Variants in HHIP observed in about 807,000 individuals in gnomAD.
HHIP encodes the protein hedgehog interacting protein.
HHIP carries 12 observed loss-of-function variants against 74.0 expected under a neutral mutation model. The observed-to-expected ratio is 0.16, with a 90% confidence interval of 0.10 to 0.26. HHIP has a LOEUF of 0.26. Among genes scored for constraint, HHIP ranks in the 10% least tolerant of loss-of-function variants. The probability of loss-of-function intolerance (pLI) is 1.00; values close to 1 mark genes in which losing one functional copy is unlikely to be tolerated. For synonymous variants in HHIP, 309 were observed against 311.6 expected (o/e 0.99, Z 0.09); for missense variants, 788 against 845.0 (o/e 0.93, Z 0.84).
rs368648884 is a variant in HHIP at position 144,677,922 on chromosome 4, T to C, written c.831+18084T>C. Among the ~76,000 whole-genome samples, 40 of 152,192 alleles carry C rather than the reference T, an allele frequency of 2.6e-4. 3 individuals carry two copies. Among genetic ancestry groups the C allele is most frequent in the East Asian group, 1.2e-3 (6 of 5,172 alleles). On this transcript the variant is annotated intron_variant, in intron 4 of 12. Transcript: ENST00000296575. ...TATAAGACGTGTAGACCCAGAGAGG[T>C]ACCCACATTTGAGGTAGCAATGAAA...
intron 4 of HHIP, among the ~76,000 whole-genome samples, chr4:144,663,077 G>C (rs1377171895): frequency 1.3e-5 from 2 of 152,134 alleles, no homozygotes; most frequent in African/African-American, 4.8e-5. Context: ...CTTGAAGTCA[G>C]AAGTTCCAGA....
intron 1 of HHIP, among the ~76,000 whole-genome samples, chr4:144,647,988 TA>T (rs76968227): frequency 0.36 from 53,776 of 147,606 alleles, 10,671 homozygotes; most frequent in South Asian, 0.52. Context: ...CCAGGCATAA[TA>T]AAAAAAAAAA....
chr4:144,715,749 T>A (rs1730430143), intron 10 of HHIP: 2 of 168,192 alleles, frequency 1.2e-5, no homozygotes, highest in Admixed American at 6.0e-5. Context: ...TGATTATACA[T>A]CTGAGTAGTT....
chr4:144,684,217 CAA>C (rs1167254668), intron 4 of HHIP, among the ~76,000 whole-genome samples: 1 of 56,854 alleles, frequency 1.8e-5, no homozygotes, highest in African/African-American at 6.9e-5. Context: ...ATGAAAAATA[CAA>C]AAAAAAAAAA....
At chr4:144,682,446 C>T (rs1162536409) in intron 4 of HHIP, among the ~76,000 whole-genome samples, 1 of 152,168 alleles carries the variant, frequency 6.6e-6, no homozygotes, top group Non-Finnish European at 1.5e-5. Flanking sequence ...CACCAAATAT[C>T]AAAGTAAAAG....
chr4:144,741,136 G>A lies in HHIP; in HGVS notation c.*3179G>A, dbSNP rs1391155237. 1.7e-4 allele frequency: 3 copies of A among 18,092 alleles called. No homozygotes were observed. Among genetic ancestry groups the A allele is most frequent in the Non-Finnish European group, 1.9e-4 (1 of 5,310 alleles). The allele number at this position is 18,092 out of a possible 1,614,324, so 1.1% of individuals were successfully genotyped here. A position where few individuals can be genotyped will look rare whatever the true frequency, so the allele number is the denominator to read the frequency against. ...TTGGATTTTTTTCAATGTAATTATTGTAAAATATATTTTTTTATTTTATCA... is the reference window on the plus strand; with the variant it reads ...TTGGATTTTTTTCAATGTAATTATTATAAAATATATTTTTTTATTTTATCA... On this transcript the variant is annotated 3_prime_UTR_variant, in exon 13 of 13. Coordinates refer to ENST00000296575, the MANE Select transcript of HHIP (RefSeq NM_022475.3).
chr4:144,674,043 T>A (rs1423728532), intron 4 of HHIP, among the ~76,000 whole-genome samples: 2 of 152,236 alleles, frequency 1.3e-5, no homozygotes, highest in Non-Finnish European at 2.9e-5. Flanking sequence ...GGGCTCTGTG[T>A]TTCCTTGAGA....
At chr4:144,737,360 C>G (rs528006056) in intron 12 of HHIP, among the ~76,000 whole-genome samples, 1 of 152,190 alleles carries the variant, frequency 6.6e-6, no homozygotes, top group Non-Finnish European at 1.5e-5. Flanking sequence ...TGTGTCTCCC[C>G]CTCAGGCTGG....
chr4:144,687,379 A>G (rs934926498), intron 4 of HHIP, among the ~76,000 whole-genome samples: 1 of 152,180 alleles, frequency 6.6e-6, no homozygotes, highest in African/African-American at 2.4e-5. Context: ...TCCATCTTTA[A>G]TGCAGCCATT....
chr4:144,682,216 CAGG>C (rs1729366194), intron 4 of HHIP, among the ~76,000 whole-genome samples: 1 of 152,190 alleles, frequency 6.6e-6, no homozygotes, highest in African/African-American at 2.4e-5. Flanking sequence ...GAGGAGGAAG[CAGG>C]AGATTTGCAG....
At chr4:144,650,674 A>C (rs1362353109) in intron 1 of HHIP, 1 of 152,090 alleles carries the variant, frequency 6.6e-6, no homozygotes, top group African/African-American at 2.4e-5. Flanking sequence ...TACACTGCAG[A>C]CCTCACACAG....
chr4:144,725,114 T>C (rs1730759502), intron 11 of HHIP, among the ~76,000 whole-genome samples: 6 of 152,124 alleles, frequency 3.9e-5, no homozygotes, highest in Admixed American at 3.9e-4. Context: ...TTATAGTAAA[T>C]TAGTATATCA....
intron 4 of HHIP, among the ~76,000 whole-genome samples, chr4:144,679,348 G>C (rs1729270173): frequency 6.6e-6 from 1 of 152,138 alleles, no homozygotes; most frequent in South Asian, 2.1e-4. Flanking sequence ...TCTGATGATA[G>C]TTTCTTTTGC....
At chr4:144,714,465 T>C (rs1396259170) in intron 9 of HHIP, 117 bp downstream of exon 9, 4 of 939,814 alleles carry the variant, frequency 4.3e-6, no homozygotes, top group African/African-American at 1.7e-5. Context: ...AGATGGGGAA[T>C]ACACATAAAT....
At chr4:144,717,211 G>A (rs1560718144) in intron 10 of HHIP, among the ~76,000 whole-genome samples, 1 of 152,128 alleles carries the variant, frequency 6.6e-6, no homozygotes, top group Non-Finnish European at 1.5e-5. Context: ...AAGAAAATGA[G>A]TAAGTTTTTG....
rs1268903043 is a variant in HHIP, at chr4:144,646,369, C to A, written c.-307C>A. On this transcript the variant is annotated 5_prime_UTR_variant, in exon 1 of 13. Coordinates refer to ENST00000296575, the MANE Select transcript of HHIP (RefSeq NM_022475.3). ...CCTCCTCTTCCAACTCCTTCTCCTC[C>A]TCCCACTTCCCAGCCGCAGCAGAAA... 6.6e-6 allele frequency: 2 copies of A among 304,476 alleles called. No individual in the cohort carries two copies. The allele number at this position is 304,476 out of a possible 1,614,324, so 18.9% of individuals were successfully genotyped here.
At chr4:144,682,903 A>T (rs566727190) in intron 4 of HHIP, among the ~76,000 whole-genome samples, 2 of 152,362 alleles carry the variant, frequency 1.3e-5, no homozygotes, top group East Asian at 3.9e-4. Context: ...GTTTAATGAG[A>T]GCAAATTCCA....
At chr4:144,699,008 T>C (rs907618598) in intron 4 of HHIP, among the ~76,000 whole-genome samples, 3 of 152,170 alleles carry the variant, frequency 2.0e-5, no homozygotes, top group Admixed American at 1.3e-4. Context: ...ATGAGAGGTT[T>C]ACTCTCACAC....
chr4:144,680,650 A>C (rs747129553), intron 4 of HHIP, among the ~76,000 whole-genome samples: 1 of 152,218 alleles, frequency 6.6e-6, no homozygotes, highest in Non-Finnish European at 1.5e-5. Context: ...TTTGCCATTC[A>C]TTGATGAATT....
Sources: gnomAD v4.1 joint callset for allele counts (sites outside exome capture counted in the v4.1 genomes callset) on GRCh38, gnomAD v4.1.1 for gene constraint, MANE v1.5 for transcripts, NCBI Gene and HGNC (gene_info 2026-07-23, HGNC 2026-07-21) for gene names.